UGT1A7: variants seen among roughly 807,000 people sequenced by gnomAD.
UGT1A7 encodes the protein UDP glucuronosyltransferase family 1 member A7, also known as UDP-glucuronosyltransferase 1A7.
A neutral mutation model predicts 45.6 loss-of-function variants in UGT1A7; 33 were observed. The observed-to-expected ratio is 0.72, with a 90% confidence interval of 0.55 to 0.97. The LOEUF (loss-of-function observed/expected upper bound fraction) is 0.97. Ranked by LOEUF, UGT1A7 falls within the 50% of genes least tolerant of loss-of-function variation. UGT1A7 has a pLI of 0.00. For synonymous variants in UGT1A7, 274 were observed against 250.6 expected (o/e 1.09, Z -0.88); for missense variants, 684 against 666.2 (o/e 1.03, Z -0.29).
chr2:233,682,979 T>C (rs1485999799), intron 1 of UGT1A7, among the ~76,000 whole-genome samples, 187 bp downstream of exon 1: 1 of 152,218 alleles, frequency 6.6e-6, no homozygotes, highest in African/African-American at 2.4e-5. Flanking sequence ...CTTGTTGATA[T>C]GTAAGTGTAT....
intron 1 of UGT1A7, among the ~76,000 whole-genome samples, chr2:233,701,439 A>G (rs557016008): frequency 1.8e-4 from 27 of 152,274 alleles, no homozygotes; most frequent in Admixed American, 1.6e-3. Flanking sequence ...GATCAACGAG[A>G]CAGAAAGTTA....
intron 1 of UGT1A7, chr2:233,753,510 T>G (rs1695226530): frequency 6.6e-6 from 1 of 152,246 alleles, no homozygotes; most frequent in Non-Finnish European, 1.5e-5. Context: ...GCCTGTCTAG[T>G]TGTTGCCCTT....
intron 1 of UGT1A7, chr2:233,743,714 T>C (rs1337587224): frequency 1.5e-6 from 2 of 1,367,360 alleles, no homozygotes; most frequent in Admixed American, 1.9e-5. Context: ...CGCCTCGCCA[T>C]AGCGGTCATA....
chr2:233,757,027 T>C (rs1022147846), intron 1 of UGT1A7, among the ~76,000 whole-genome samples: 2 of 151,348 alleles, frequency 1.3e-5, no homozygotes, highest in African/African-American at 4.9e-5. Context: ...ACAAAGCAAT[T>C]TGAGAACATC....
chr2:233,716,223 G>A (rs907028854), intron 1 of UGT1A7, among the ~76,000 whole-genome samples: 4 of 152,088 alleles, frequency 2.6e-5, no homozygotes, highest in African/African-American at 9.7e-5. Flanking sequence ...AAGAGCCCTT[G>A]TGATTACATT....
chr2:233,758,735 C>T (rs1420217475), intron 1 of UGT1A7, among the ~76,000 whole-genome samples: 1 of 152,162 alleles, frequency 6.6e-6, no homozygotes, highest in Admixed American at 6.5e-5. Context: ...AGCACATCCC[C>T]AAGTATGGCT....
chr2:233,770,355 G>C (rs1271934216), intron 4 of UGT1A7: 2 of 152,122 alleles, frequency 1.3e-5, no homozygotes, highest in African/African-American at 4.8e-5. Flanking sequence ...ACTATTGAAT[G>C]AATGAATGAA....
In UGT1A7 at chr2:233,702,349, G is replaced by GT. The variant is rs545005076; in HGVS notation, c.855+19566dup. 6.4e-4 allele frequency among the ~76,000 whole-genome samples: 97 copies of GT among 151,202 alleles called. No individual in the cohort carries two copies. In the South Asian group the frequency reaches 0.013, roughly 20 times the overall value. On this transcript the variant is annotated intron_variant, in intron 1 of 4. Coordinates refer to ENST00000373426, the MANE Select transcript of UGT1A7 (RefSeq NM_019077.3). ...CTGAACTTGTTTATTTGTTCTAATA[G>GT]TTTTTTTTTAGTGGATTTCGTAGGA... is the stretch of plus-strand genomic sequence containing the variant.
rs188496889 is a variant in UGT1A7, at chr2:233,733,647, G to A, written c.856-33387G>A. Among the ~76,000 whole-genome samples, 3 of 152,328 alleles carry A rather than the reference G, an allele frequency of 2.0e-5. No individual in the cohort carries two copies. The East Asian group carries it at 5.8e-4, about 29-fold the overall frequency. ...ATGTTGAACCAGCCTTGCATCCCAA[G>A]GATGAAGCCGACTTGATCGATGTGG... On this transcript the variant is annotated intron_variant, in intron 1 of 4. Coordinates refer to ENST00000373426, the MANE Select transcript of UGT1A7 (RefSeq NM_019077.3).
intron 1 of UGT1A7, among the ~76,000 whole-genome samples, chr2:233,689,366 C>T (rs2074939498): frequency 6.6e-6 from 1 of 152,200 alleles, no homozygotes; most frequent in Non-Finnish European, 1.5e-5. Context: ...ATGTGCAGGG[C>T]ACAAAGCAAG....
chr2:233,757,562 G>GTATATATATATATATATA (rs1491042837), intron 1 of UGT1A7, among the ~76,000 whole-genome samples: 1 of 90,870 alleles, frequency 1.1e-5, no homozygotes, highest in Non-Finnish European at 2.1e-5. Context: ...ATATATATAT[G>GTATATATATATATATATA]TATATATGAT....
chr2:233,711,636 C>T (rs1021848724), intron 1 of UGT1A7, among the ~76,000 whole-genome samples: 1 of 152,184 alleles, frequency 6.6e-6, no homozygotes, highest in African/African-American at 2.4e-5. Flanking sequence ...GCTGCCTGTC[C>T]CATGGGTTCT....
chr2:233,714,506 A>T (rs1575507249), intron 1 of UGT1A7, among the ~76,000 whole-genome samples: 1 of 152,250 alleles, frequency 6.6e-6, no homozygotes, highest in African/African-American at 2.4e-5. Flanking sequence ...CTTAAAAAAA[A>T]TTCTTACTAG....
chr2:233,772,941 C>G lies in UGT1A7; in HGVS notation c.*382C>G. The G allele has an allele frequency of 3.0e-6, 1 of 336,190 alleles. No homozygotes were observed. The highest frequency in any genetic ancestry group is 5.5e-6 in the Non-Finnish European group (1 of 182,010). The allele number at this position is 336,190 out of a possible 1,614,324, so 20.8% of individuals were successfully genotyped here. A position where few individuals can be genotyped will look rare whatever the true frequency, so the allele number is the denominator to read the frequency against. ...TGGCAGTTTTAATCTTATCTTTTGG[C>G]TTCTGCAGATGGTTGCAATTGATCC... is the stretch of plus-strand genomic sequence containing the variant. On this transcript the variant is annotated 3_prime_UTR_variant, in exon 5 of 5. Coordinates refer to ENST00000373426, the MANE Select transcript of UGT1A7 (RefSeq NM_019077.3).
At chr2:233,695,133 T>TC (rs71058573) in intron 1 of UGT1A7, among the ~76,000 whole-genome samples, 10 of 145,970 alleles carry the variant, frequency 6.9e-5, no homozygotes, top group African/African-American at 1.5e-4. Flanking sequence ...TTCTTTTCTT[T>TC]TTTTTTTTTT....
intron 1 of UGT1A7, among the ~76,000 whole-genome samples, chr2:233,722,586 G>A (rs1347129726): frequency 6.6e-6 from 1 of 152,110 alleles, no homozygotes; most frequent in Non-Finnish European, 1.5e-5. Flanking sequence ...CTTCGTTAGA[G>A]GACTATTACA....
At chr2:233,754,857 G>A (rs184077420) in intron 1 of UGT1A7, 3 of 1,349,946 alleles carry the variant, frequency 2.2e-6, no homozygotes, top group East Asian at 9.1e-5. Flanking sequence ...GAAAAGGGGT[G>A]CAGACCCTCT....
chr2:233,709,006 A>G (rs2076051981), intron 1 of UGT1A7, among the ~76,000 whole-genome samples: 1 of 152,104 alleles, frequency 6.6e-6, no homozygotes, highest in African/African-American at 2.4e-5. Flanking sequence ...TCTCAGTGTC[A>G]TAATACCCAA....
intron 1 of UGT1A7, chr2:233,729,832 T>C: frequency 6.2e-7 from 1 of 1,613,940 alleles, no homozygotes; most frequent in Non-Finnish European, 8.5e-7. Flanking sequence ...AAGCCTTGCC[T>C]CTGAGCTTTT....
Sources: gnomAD v4.1 joint callset for allele counts (sites outside exome capture counted in the v4.1 genomes callset) on GRCh38, gnomAD v4.1.1 for gene constraint, MANE v1.5 for transcripts, NCBI Gene and HGNC (gene_info 2026-07-23, HGNC 2026-07-21) for gene names.